Variants in FRMPD1 observed in about 807,000 individuals in gnomAD.
The protein encoded by FRMPD1 is FERM and PDZ domain containing 1, also known as FERM and PDZ domain-containing protein 1.
A neutral mutation model predicts 117.8 loss-of-function variants in FRMPD1; 76 were observed. The observed-to-expected ratio is 0.65, with a 90% CI of 0.54 to 0.78. FRMPD1 has a LOEUF of 0.78. Ranked by LOEUF, FRMPD1 falls within the 30% of genes least tolerant of loss-of-function variation. The pLI, the probability that FRMPD1 is intolerant of heterozygous loss-of-function variation, is 0.00. For synonymous variants in FRMPD1, 783 were observed against 770.4 expected, an observed-to-expected ratio of 1.02 and a Z score of -0.27; for missense variants, 1,786 against 1,964.5, an observed-to-expected ratio of 0.91 and a Z score of 1.72.
chr9:37,728,553 G>A (rs1402746440), intron 7 of FRMPD1, among the ~76,000 whole-genome samples: 1 of 152,164 alleles, frequency 6.6e-6, no homozygotes, highest in Non-Finnish European at 1.5e-5. Flanking sequence ...AGAGTGTGGC[G>A]TGGCAACCAG....
chr9:37,640,550 T>C, the FRMPD1 span, among the ~76,000 whole-genome samples: 2 of 152,212 alleles, frequency 1.3e-5, no homozygotes, highest in African/African-American at 4.8e-5. Context: ...GATTTTAGTC[T>C]TCAGTAAAGT....
intron 7 of FRMPD1, among the ~76,000 whole-genome samples, chr9:37,727,226 A>G (rs1198527119): frequency 6.6e-6 from 1 of 152,120 alleles, no homozygotes; most frequent in Non-Finnish European, 1.5e-5. Flanking sequence ...TTCTTGAGCA[A>G]GGGAGAGCAT....
the FRMPD1 span, chr9:37,637,085 A>G: frequency 6.4e-7 from 1 of 1,568,680 alleles, no homozygotes; most frequent in Non-Finnish European, 8.8e-7. Flanking sequence ...GATGGTCCAG[A>G]ACCGTTCCTG....
intron 6 of FRMPD1, among the ~76,000 whole-genome samples, chr9:37,720,848 C>T (rs531716381): frequency 5.3e-4 from 81 of 152,372 alleles, no homozygotes; most frequent in African/African-American, 1.8e-3. Context: ...GATTGCGCCA[C>T]TGCGCTTCAG....
At chr9:37,643,921 G>T in the FRMPD1 span, among the ~76,000 whole-genome samples, 2 of 152,236 alleles carry the variant, frequency 1.3e-5, no homozygotes, top group Non-Finnish European at 2.9e-5. Flanking sequence ...GGGTTGCGCT[G>T]CTGTGTGCCA....
At chr9:37,627,853 C>T in the FRMPD1 span, among the ~76,000 whole-genome samples, 4 of 152,178 alleles carry the variant, frequency 2.6e-5, no homozygotes, top group African/African-American at 4.8e-5. Flanking sequence ...CCTATTCAGG[C>T]TACCAAGTAA....
At chr9:37,735,002 C>T (rs1176373977) in intron 12 of FRMPD1, among the ~76,000 whole-genome samples, 2 of 152,204 alleles carry the variant, frequency 1.3e-5, no homozygotes, top group African/African-American at 4.8e-5. Flanking sequence ...GCTTGCTGGG[C>T]ACTGCGGGTT....
chr9:37,653,069 G>A (rs1018948197), intron 1 of FRMPD1, among the ~76,000 whole-genome samples: 3 of 152,192 alleles, frequency 2.0e-5, no homozygotes, highest in African/African-American at 7.2e-5. Flanking sequence ...TGAGCCTGGT[G>A]GAAGCACAGA....
intron 12 of FRMPD1, 26 bp downstream of exon 12, chr9:37,733,851 C>A: frequency 8.0e-7 from 1 of 1,253,552 alleles, no homozygotes; most frequent in Non-Finnish European, 1.2e-6. Flanking sequence ...CTGTGAAATC[C>A]TACTCACGTA....
intron 4 of FRMPD1, among the ~76,000 whole-genome samples, chr9:37,709,843 T>G (rs1822845131): frequency 1.3e-5 from 2 of 152,172 alleles, no homozygotes; most frequent in Admixed American, 1.3e-4. Flanking sequence ...ATAGAAGGTC[T>G]TGAATGCCAG....
chr9:37,637,967 T>TTGCTTGCTTGCTTG, the FRMPD1 span, among the ~76,000 whole-genome samples: 1 of 55,464 alleles, frequency 1.8e-5, no homozygotes, highest in Non-Finnish European at 3.6e-5. Flanking sequence ...GTGTATGCTT[T>TTGCTTGCTTGCTTG]CTTTCTTTCT....
At chr9:37,623,731 A>G in the FRMPD1 span, among the ~76,000 whole-genome samples, 4,453 of 152,268 alleles carry the variant, frequency 0.029, 204 homozygotes, top group African/African-American at 0.1. Context: ...GTAGCAGGCT[A>G]TAGATAGAAT....
chr9:37,703,562 C>T (rs1055614378), intron 2 of FRMPD1, among the ~76,000 whole-genome samples: 4 of 152,086 alleles, frequency 2.6e-5, no homozygotes, highest in African/African-American at 7.2e-5. Flanking sequence ...CATACAATTC[C>T]CCCATTTGAA....
chr9:37,665,307 C>T (rs1250534930), intron 1 of FRMPD1, among the ~76,000 whole-genome samples: 1 of 152,102 alleles, frequency 6.6e-6, no homozygotes, highest in Non-Finnish European at 1.5e-5. Context: ...AAATTTTCTA[C>T]CAGCCACATG....
At chr9:37,680,497 A>C (rs13284165) in intron 1 of FRMPD1, among the ~76,000 whole-genome samples, 1 of 152,066 alleles carries the variant, frequency 6.6e-6, no homozygotes, top group Admixed American at 6.5e-5. Context: ...TGTTTTACGC[A>C]GACCATGTTT....
intron 2 of FRMPD1, among the ~76,000 whole-genome samples, chr9:37,693,642 T>C (rs534901599): frequency 3.9e-5 from 6 of 152,352 alleles, no homozygotes; most frequent in Admixed American, 1.3e-4. Context: ...CCCCATTTAT[T>C]ATAGGAGGAA....
intron 1 of FRMPD1, among the ~76,000 whole-genome samples, chr9:37,685,623 G>A (rs974669026): frequency 2.0e-5 from 3 of 151,990 alleles, no homozygotes; most frequent in Non-Finnish European, 2.9e-5. Flanking sequence ...CTGCACTACA[G>A]CCTAGGCGAG....
At chr9:37,678,250 A>ATTTTTTT (rs1821597719) in intron 1 of FRMPD1, among the ~76,000 whole-genome samples, 1 of 70,140 alleles carries the variant, frequency 1.4e-5, no homozygotes, top group Admixed American at 1.5e-4. Flanking sequence ...AGTACTTACC[A>ATTTTTTT]CTTTTTTTTT....
chr9:37,633,446 C>A, the FRMPD1 span, among the ~76,000 whole-genome samples: 1 of 152,194 alleles, frequency 6.6e-6, no homozygotes, highest in Non-Finnish European at 1.5e-5. Context: ...TTCTTAAGCC[C>A]TCATAACAAC....
Sources: gnomAD v4.1 joint callset for allele counts (sites outside exome capture counted in the v4.1 genomes callset) on GRCh38, gnomAD v4.1.1 for gene constraint, MANE v1.5 for transcripts, NCBI Gene and HGNC (gene_info 2026-07-23, HGNC 2026-07-21) for gene names.